NLGN4Y: variants seen among roughly 807,000 people sequenced by gnomAD.
NLGN4Y encodes the protein neuroligin 4 Y-linked.
Under a neutral mutation model 8.4 loss-of-function variants are expected in NLGN4Y, and 4 were observed. That is an observed-to-expected ratio of 0.48 (90% CI 0.23 to 1.09). The LOEUF (loss-of-function observed/expected upper bound fraction) is 1.09. Ranked by LOEUF, NLGN4Y falls within the 50% of genes least tolerant of loss-of-function variation. The probability of loss-of-function intolerance (pLI) is 0.19; values close to 1 mark genes in which losing one functional copy is unlikely to be tolerated. For synonymous variants in NLGN4Y, 35 were observed against 75.6 expected, an observed-to-expected ratio of 0.46 and a Z score of 2.78; for missense variants, 90 against 192.3, an observed-to-expected ratio of 0.47 and a Z score of 3.15.
intron 4 of NLGN4Y, among the ~76,000 whole-genome samples, chrY:14,780,474 C>A: frequency 1.2e-4 from 4 of 32,594 alleles, no homozygotes; most frequent in African/African-American, 3.6e-4. Context: ...GTATGTCCCC[C>A]AAAAATTCAT....
At chrY:14,806,412 A>G (rs1343992981) in intron 4 of NLGN4Y, among the ~76,000 whole-genome samples, 1 of 32,061 alleles carries the variant, frequency 3.1e-5, no homozygotes. Flanking sequence ...ATACATACAT[A>G]TATACATTCA....
intron 4 of NLGN4Y, among the ~76,000 whole-genome samples, chrY:14,756,734 A>G: frequency 3.8e-5 from 1 of 26,086 alleles, no homozygotes; most frequent in Admixed American, 4.1e-4. Flanking sequence ...GACAACAGCA[A>G]GACTCTGTCT....
chrY:14,747,340 T>C, intron 4 of NLGN4Y, among the ~76,000 whole-genome samples: 1 of 31,859 alleles, frequency 3.1e-5, no homozygotes, highest in Admixed American at 2.9e-4. Context: ...ACCTGGCACC[T>C]TCCTCTCCTC....
intron 4 of NLGN4Y, among the ~76,000 whole-genome samples, chrY:14,724,851 AG>A (rs2080950069): frequency 3.1e-5 from 1 of 32,241 alleles, no homozygotes; most frequent in Non-Finnish European, 7.6e-5. Context: ...CATGGTGGCC[AG>A]GCTGGTTTCG....
At chrY:14,715,337 T>A in intron 2 of NLGN4Y, among the ~76,000 whole-genome samples, 1 of 33,463 alleles carries the variant, frequency 3.0e-5, no homozygotes, top group Middle Eastern at 0.013. Context: ...TATAAAGACA[T>A]GACTATGTAT....
At chrY:14,625,512 G>A (rs745420986) in intron 2 of NLGN4Y, among the ~76,000 whole-genome samples, 37 of 32,999 alleles carry the variant, frequency 1.1e-3, no homozygotes, top group African/African-American at 3.9e-3. Context: ...GTTGGAGACC[G>A]CATCCGCATG....
chrY:14,773,559 A>G (rs2081115150), intron 4 of NLGN4Y, among the ~76,000 whole-genome samples: 1 of 32,615 alleles, frequency 3.1e-5, no homozygotes, highest in Non-Finnish European at 7.5e-5. Flanking sequence ...TCACAGAATT[A>G]GAAAAAAAAA....
intron 4 of NLGN4Y, among the ~76,000 whole-genome samples, chrY:14,768,092 A>G (rs2081097304): frequency 2.9e-5 from 1 of 34,193 alleles, no homozygotes; most frequent in Admixed American, 2.7e-4. Flanking sequence ...ATGACAATGT[A>G]TGTAACACAT....
intron 2 of NLGN4Y, among the ~76,000 whole-genome samples, chrY:14,657,892 T>G: frequency 3.0e-5 from 1 of 33,885 alleles, no homozygotes. Flanking sequence ...GCATAGATTT[T>G]GTGTTTGTTT....
At chrY:14,524,814 C>T (rs1470133194) in intron 1 of NLGN4Y, 106 bp downstream of exon 1, 12 of 121,723 alleles carry the variant, frequency 9.9e-5, no homozygotes, top group Non-Finnish European at 2.1e-4. Flanking sequence ...CGCTCTCTGC[C>T]TGCGGTTTTC....
intron 1 of NLGN4Y, among the ~76,000 whole-genome samples, chrY:14,532,570 T>C (rs765219211): frequency 3.0e-5 from 1 of 32,819 alleles, no homozygotes; most frequent in East Asian, 8.2e-4. Flanking sequence ...ATTGATCATC[T>C]ACTATATGCC....
At chrY:14,763,247 G>A (rs2081085680) in intron 4 of NLGN4Y, among the ~76,000 whole-genome samples, 1 of 33,816 alleles carries the variant, frequency 3.0e-5, no homozygotes. Context: ...GTTTGAAACT[G>A]GATGGTTATT....
chrY:14,714,994 C>T, intron 2 of NLGN4Y, among the ~76,000 whole-genome samples: 1 of 34,113 alleles, frequency 2.9e-5, no homozygotes, highest in Non-Finnish European at 7.3e-5. Flanking sequence ...CAAAAGAAGA[C>T]ATTTATGCAG....
At chrY:14,534,690 C>G (rs779598049) in intron 1 of NLGN4Y, among the ~76,000 whole-genome samples, 1 of 32,208 alleles carries the variant, frequency 3.1e-5, no homozygotes, top group South Asian at 7.2e-4. Flanking sequence ...TAACGATAGG[C>G]TAATATTATT....
upstream of NLGN4Y, chrY:14,523,469 A>C: frequency 9.0e-6 from 1 of 111,449 alleles, no homozygotes; most frequent in African/African-American, 1.0e-4. Context: ...ACATACACAC[A>C]CACATATATA....
chrY:14,741,342 G>A, intron 4 of NLGN4Y, among the ~76,000 whole-genome samples: 1 of 33,443 alleles, frequency 3.0e-5, no homozygotes, highest in African/African-American at 1.2e-4. Context: ...AAGATCAGCA[G>A]GGGTATTTGG....
chrY:14,681,067 C>A (rs1014801601), intron 2 of NLGN4Y, among the ~76,000 whole-genome samples: 5 of 33,564 alleles, frequency 1.5e-4, no homozygotes, highest in Non-Finnish European at 3.7e-4. Context: ...GCTGCACATA[C>A]TCTTAACAAC....
chrY:14,622,434 G>A lies in NLGN4Y; in HGVS notation c.315G>A (p.Gln105=). 2.5e-6 allele frequency: 1 copy of A among 399,235 alleles called. No individual in the cohort carries two copies. The highest frequency in any genetic ancestry group is 3.5e-6 in the Non-Finnish European group (1 of 283,752). The change falls in exon 2 of 7, where the codon CAG becomes CAA. Residue 105 remains glutamine, a synonymous_variant. Coordinates refer to ENST00000684976, the MANE Select transcript of NLGN4Y (RefSeq NM_001365588.1). The stretch of plus-strand genomic sequence containing the variant: ...GGACTGGCATCCGAAATGCTACTCA[G>A]TTTTCTGCTGTGTGCCCCCAGCACC... ...SSWTGIRNAT[Q]FSAVCPQHLD...
In NLGN4Y at chrY:14,798,209, G is replaced by A. The variant is rs566441009; in HGVS notation, c.686-25979G>A. On this transcript the variant is annotated intron_variant, in intron 4 of 6. Coordinates refer to ENST00000684976, the MANE Select transcript of NLGN4Y (RefSeq NM_001365588.1). ...TCATGACTCAGCTATTTTTTTCTCCGAAGGCTATTATAATTTTGTATTTGT... is the reference window on the plus strand; with the variant it reads ...TCATGACTCAGCTATTTTTTTCTCCAAAGGCTATTATAATTTTGTATTTGT... 1.1e-3 allele frequency among the ~76,000 whole-genome samples: 35 copies of A among 33,207 alleles called. No individual in the cohort carries two copies. The South Asian group carries it at 0.023, about 22-fold the overall frequency. The allele number at this position is 33,207 out of a possible 37,273, so 89.1% of individuals were successfully genotyped here.
Sources: allele counts gnomAD v4.1 joint callset (sites outside exome capture counted in the v4.1 genomes callset), GRCh38; gene constraint gnomAD v4.1.1; transcripts MANE v1.5; gene names NCBI Gene and HGNC (gene_info 2026-07-23, HGNC 2026-07-21).